Variants in TSPAN9 observed in about 807,000 individuals in gnomAD.
The protein encoded by TSPAN9 is tetraspanin-9.
In TSPAN9, 16 loss-of-function variants were observed where a neutral mutation model predicts 31.0. The ratio of observed to expected loss-of-function variants is 0.52; its 90% CI spans 0.35 to 0.78. The LOEUF is 0.78. Ranked by LOEUF, TSPAN9 falls within the 30% of genes least tolerant of loss-of-function variation. The pLI is 0.01. For synonymous variants in TSPAN9, 145 were observed against 121.6 expected (o/e 1.19, Z -1.27); for missense variants, 272 against 312.5 (o/e 0.87, Z 0.98).
chr12:3,083,352 T>C (rs1484282022), intron 1 of TSPAN9, among the ~76,000 whole-genome samples: 1 of 152,208 alleles, frequency 6.6e-6, no homozygotes, highest in African/African-American at 2.4e-5. Context: ...GGATGACAAA[T>C]ACATGGTGAG....
intron 2 of TSPAN9, among the ~76,000 whole-genome samples, chr12:3,188,791 G>C (rs889270510): frequency 6.6e-6 from 1 of 152,152 alleles, no homozygotes; most frequent in Non-Finnish European, 1.5e-5. Context: ...AGGGCCTCCA[G>C]AGAGGACTCA....
At chr12:3,250,220 G>A (rs1461509456) in intron 3 of TSPAN9, among the ~76,000 whole-genome samples, 2 of 152,130 alleles carry the variant, frequency 1.3e-5, no homozygotes, top group Non-Finnish European at 1.5e-5. Flanking sequence ...ACCCTGCATG[G>A]TAACGAGCCC....
At chr12:3,130,175 T>A (rs2153966890) in intron 2 of TSPAN9, among the ~76,000 whole-genome samples, 1 of 152,304 alleles carries the variant, frequency 6.6e-6, no homozygotes. Context: ...CCCACCAGCC[T>A]GGGAAACCTG....
intron 2 of TSPAN9, among the ~76,000 whole-genome samples, chr12:3,139,789 C>A (rs2098333887): frequency 6.6e-6 from 1 of 152,274 alleles, no homozygotes; most frequent in East Asian, 1.9e-4. Context: ...CTCAGGTGAT[C>A]CACCTCCCTC....
chr12:3,100,273 C>T (rs546573943), intron 2 of TSPAN9, among the ~76,000 whole-genome samples: 1 of 152,274 alleles, frequency 6.6e-6, no homozygotes, highest in Non-Finnish European at 1.5e-5. Flanking sequence ...CACTGGTGTG[C>T]AGATCAGCCA....
chr12:3,235,227 T>A lies in TSPAN9; in HGVS notation c.63+33971T>A, dbSNP rs1368544832. Among the ~76,000 whole-genome samples, 13 of 8,438 alleles carry A rather than the reference T, an allele frequency of 1.5e-3. 1 individual carries two copies. The highest frequency in any genetic ancestry group is 2.2e-3 in the Admixed American group (1 of 452). The allele number at this position is 8,438 out of a possible 152,430, so 5.5% of individuals were successfully genotyped here. A position where few individuals can be genotyped will look rare whatever the true frequency, so the allele number is the denominator to read the frequency against. On this transcript the variant is annotated intron_variant, in intron 3 of 8. Coordinates refer to ENST00000011898, the MANE Select transcript of TSPAN9 (RefSeq NM_006675.5). The stretch of plus-strand genomic sequence containing the variant: ...AAAAAAAAAAAAAAAAATATATATA[T>A]ATATATATATATATATATATATATA...
Position 3,280,631 on chromosome 12 carries a change from T to C in TSPAN9, c.432+148T>C. On this transcript the variant is annotated intron_variant, in intron 6 of 8. Coordinates refer to ENST00000011898, the MANE Select transcript of TSPAN9 (RefSeq NM_006675.5). The surrounding 1 kb of genome is among the most constrained non-coding windows in gnomAD (Gnocchi z 4.5). ...AGTGGTACCCACGGGGGCATTTGCC[T>C]GAACTGCTGAGTCAGATGTGATACA... 2 of 703,868 alleles carry C rather than the reference T, an allele frequency of 2.8e-6. No individual in the cohort carries two copies. Among genetic ancestry groups the C allele is most frequent in the Non-Finnish European group, 4.8e-6 (2 of 415,078 alleles). 43.6% of individuals were successfully genotyped at this position (703,868 alleles called of 1,614,324 possible).
chr12:3,259,635 C>T (rs141784519), intron 3 of TSPAN9, among the ~76,000 whole-genome samples: 155 of 152,330 alleles, frequency 1.0e-3, no homozygotes, highest in African/African-American at 3.3e-3. Flanking sequence ...TAAGCATGAG[C>T]CAGCCATGTG....
At chr12:3,212,338 A>T (rs1339781583) in intron 3 of TSPAN9, among the ~76,000 whole-genome samples, 2 of 152,202 alleles carry the variant, frequency 1.3e-5, no homozygotes, top group Non-Finnish European at 2.9e-5. Context: ...TGAACATGGT[A>T]TATTTCACCA....
intron 2 of TSPAN9, among the ~76,000 whole-genome samples, chr12:3,182,349 G>A (rs1027964431): frequency 8.6e-5 from 13 of 151,954 alleles, no homozygotes; most frequent in South Asian, 2.1e-4. Flanking sequence ...CTGTTGCTGC[G>A]CCCACCCGAG....
rs143828260 is a variant in TSPAN9 at position 3,153,687 on chromosome 12, T to C, written c.-17-47490T>C. Among the ~76,000 whole-genome samples the C allele has an allele frequency of 4.1e-4, 63 of 152,332 alleles. 2 individuals carry two copies. In the East Asian group the frequency reaches 0.012, roughly 28 times the overall value. On this transcript the variant is annotated intron_variant, in intron 2 of 8. Transcript: ENST00000011898. ...AATACATTAATATGTTAATATTATA[T>C]ATATGTGTGTGCGTGTGTGTCTGTG...
chr12:3,144,582 A>G (rs1245725881), intron 2 of TSPAN9, among the ~76,000 whole-genome samples: 4 of 152,182 alleles, frequency 2.6e-5, no homozygotes, highest in Non-Finnish European at 5.9e-5. Context: ...TCCATTCTGC[A>G]CTTCCAGCCC....
At chr12:3,123,567 T>C (rs989871473) in intron 2 of TSPAN9, among the ~76,000 whole-genome samples, 1 of 152,154 alleles carries the variant, frequency 6.6e-6, no homozygotes, top group Admixed American at 6.5e-5. Flanking sequence ...GTATGATTCA[T>C]TAATCTCCTC....
At chr12:3,201,732 G>A (rs1354755142) in intron 3 of TSPAN9, among the ~76,000 whole-genome samples, 1 of 152,232 alleles carries the variant, frequency 6.6e-6, no homozygotes, top group African/African-American at 2.4e-5. Flanking sequence ...GGTTGGAGGG[G>A]GGCGGGGTGT....
chr12:3,151,552 AGCTGGGTGGGCACTGGG>A (rs941024597), intron 2 of TSPAN9: 4 of 152,148 alleles, frequency 2.6e-5, no homozygotes, highest in African/African-American at 9.7e-5. Context: ...AGATGCCACC[AGCTGGGTGGGCACTGGG>A]GCTGCGCATG....
intron 3 of TSPAN9, among the ~76,000 whole-genome samples, chr12:3,271,694 C>T (rs1862681424): frequency 6.6e-6 from 1 of 152,148 alleles, no homozygotes; most frequent in Non-Finnish European, 1.5e-5. Context: ...GTGTCTGTGA[C>T]TTTGTCCCTT....
At chr12:3,273,922 A>G (rs1862732320) in intron 3 of TSPAN9, among the ~76,000 whole-genome samples, 1 of 152,188 alleles carries the variant, frequency 6.6e-6, no homozygotes, top group South Asian at 2.1e-4. Context: ...CTTTGGGCAT[A>G]TCGCTGTCAT....
intron 3 of TSPAN9, among the ~76,000 whole-genome samples, chr12:3,252,817 G>A (rs1279375996): frequency 1.3e-5 from 2 of 152,212 alleles, no homozygotes; most frequent in Admixed American, 6.5e-5. Context: ...CTGAGTGAGC[G>A]GGCTGCTGGG....
Position 3,280,288 on chromosome 12 carries a change from T to A in TSPAN9, c.331-94T>A. On this transcript the variant is annotated intron_variant, in intron 5 of 8. Transcript: ENST00000011898. This position sits in a 1 kb window ranked among gnomAD's most constrained non-coding sequence, Gnocchi z 4.5. ...CCTTCCCTGCCTTCCTCACTCCTCA[T>A]CTGTCACCCACCATCCTGGGTGACC... The A allele has an allele frequency of 8.7e-7, 1 of 1,143,048 alleles. No homozygotes were observed. Among genetic ancestry groups the A allele is most frequent in the Non-Finnish European group, 1.3e-6 (1 of 775,480 alleles). 70.8% of individuals were successfully genotyped at this position (1,143,048 alleles called of 1,614,324 possible).
Sources: allele counts gnomAD v4.1 joint callset (sites outside exome capture counted in the v4.1 genomes callset), GRCh38; gene constraint gnomAD v4.1.1; non-coding constraint Gnocchi (gnomAD v3.1); transcripts MANE v1.5; gene names NCBI Gene and HGNC (gene_info 2026-07-23, HGNC 2026-07-21).